CNTN3: variants seen among roughly 807,000 people sequenced by gnomAD.
The protein encoded by CNTN3 is contactin-3.
A neutral mutation model predicts 119.1 loss-of-function variants in CNTN3; 60 were observed. That is an observed-to-expected ratio of 0.50 (90% CI 0.41 to 0.62). The LOEUF (loss-of-function observed/expected upper bound fraction) is 0.62, where lower values mean the gene tolerates loss of function less well. Among genes scored for constraint, CNTN3 ranks in the 20% least tolerant of loss-of-function variants. CNTN3 has a pLI of 0.00. For missense variants in CNTN3, 1,101 were observed against 1,242.4 expected (o/e 0.89, Z 1.71); for synonymous variants, 450 against 438.7 (o/e 1.03, Z -0.32).
At chr3:74,594,837 G>C (rs1319768001) in intron 1 of CNTN3, among the ~76,000 whole-genome samples, 3 of 151,698 alleles carry the variant, frequency 2.0e-5, no homozygotes, top group African/African-American at 7.3e-5. Flanking sequence ...GGGTCAAATG[G>C]TATTTCTAGT....
intron 20 of CNTN3, among the ~76,000 whole-genome samples, chr3:74,272,516 A>G (rs1031336145): frequency 4.6e-5 from 7 of 152,184 alleles, no homozygotes; most frequent in African/African-American, 1.7e-4. Flanking sequence ...AAGCCCATAG[A>G]TGGGGGAAAA....
intron 4 of CNTN3, among the ~76,000 whole-genome samples, chr3:74,440,256 C>T (rs1230156994): frequency 6.6e-6 from 1 of 152,104 alleles, no homozygotes; most frequent in Non-Finnish European, 1.5e-5. Flanking sequence ...GCACAGAAAA[C>T]ACTGCTTCGC....
chr3:74,545,691 C>T (rs1432374058), intron 1 of CNTN3, among the ~76,000 whole-genome samples: 1 of 152,118 alleles, frequency 6.6e-6, no homozygotes, highest in Non-Finnish European at 1.5e-5. Context: ...AATTTACTTT[C>T]TTAGGGGTAC....
chr3:74,411,280 C>T (rs1488525680), intron 5 of CNTN3, among the ~76,000 whole-genome samples: 1 of 152,006 alleles, frequency 6.6e-6, no homozygotes, highest in Admixed American at 6.6e-5. Context: ...CAAAGCTGCC[C>T]CCTTGAGTAT....
At chr3:74,287,472 C>A (rs534822346) in intron 19 of CNTN3, among the ~76,000 whole-genome samples, 1 of 152,258 alleles carries the variant, frequency 6.6e-6, no homozygotes, top group African/African-American at 2.4e-5. Context: ...ATCAGAAATA[C>A]TCTTTTAATA....
chr3:74,358,350 A>G (rs1703989164), intron 11 of CNTN3, among the ~76,000 whole-genome samples: 1 of 151,994 alleles, frequency 6.6e-6, no homozygotes, highest in Non-Finnish European at 1.5e-5. Context: ...AACTTTTATT[A>G]CCACGAGACA....
At chr3:74,530,231 T>C (rs941920020) in intron 1 of CNTN3, among the ~76,000 whole-genome samples, 1 of 152,002 alleles carries the variant, frequency 6.6e-6, no homozygotes, top group Non-Finnish European at 1.5e-5. Context: ...CAGAGGTCTG[T>C]AACAGGATGC....
At chr3:74,315,286 C>T (rs1289682327) in intron 13 of CNTN3, among the ~76,000 whole-genome samples, 2 of 152,174 alleles carry the variant, frequency 1.3e-5, no homozygotes, top group Non-Finnish European at 2.9e-5. Context: ...AATCAATAAA[C>T]AACCATAAAA....
At chr3:74,265,560 A>G (rs1039374326) in intron 22 of CNTN3, among the ~76,000 whole-genome samples, 1 of 152,164 alleles carries the variant, frequency 6.6e-6, no homozygotes, top group Non-Finnish European at 1.5e-5. Context: ...TAGTTCTGCA[A>G]TAAGTAGTTC....
intron 3 of CNTN3, among the ~76,000 whole-genome samples, chr3:74,492,030 T>G (rs1702974245): frequency 6.6e-6 from 1 of 152,110 alleles, no homozygotes; most frequent in Non-Finnish European, 1.5e-5. Flanking sequence ...CAGAGTAGCC[T>G]TGTAGCTTCA....
At chr3:74,378,200 C>A (rs1411292672) in intron 5 of CNTN3, among the ~76,000 whole-genome samples, 1 of 152,280 alleles carries the variant, frequency 6.6e-6, no homozygotes, top group African/African-American at 2.4e-5. Context: ...GGTGGAAAGT[C>A]TGGGATGCAG....
At position 74,359,010 on chromosome 3, in the gene CNTN3, T is replaced by C. The variant is rs138942477; in HGVS notation, c.1364+2880A>G. On this transcript the variant is annotated intron_variant, in intron 11 of 22. Transcript: ENST00000263665. ...CACATTTTCTTAATCCAGTCTATCA[T>C]TGTTGGACATTTGGGTTGTGTATTC... 2.5e-3 allele frequency among the ~76,000 whole-genome samples: 379 copies of C among 152,186 alleles called. 1 individual carries two copies. Among genetic ancestry groups the C allele is most frequent in the African/African-American group, 8.6e-3 (356 of 41,522 alleles).
At chr3:74,327,535 G>A (rs1451555453) in intron 13 of CNTN3, among the ~76,000 whole-genome samples, 2 of 152,022 alleles carry the variant, frequency 1.3e-5, no homozygotes, top group Admixed American at 6.6e-5. Context: ...TTACTATCTT[G>A]GTAGGTTTTG....
chr3:74,520,965 G>C, intron 2 of CNTN3, 93 bp downstream of exon 2: 1 of 600,702 alleles, frequency 1.7e-6, no homozygotes, highest in South Asian at 3.3e-5. Flanking sequence ...TTTGCTACTG[G>C]TGGAGTTTTA....
intron 13 of CNTN3, among the ~76,000 whole-genome samples, chr3:74,319,943 A>T (rs908017003): frequency 2.0e-5 from 3 of 152,322 alleles, no homozygotes; most frequent in African/African-American, 7.2e-5. Flanking sequence ...GCCATCGGAG[A>T]AATGCAAATC....
chr3:74,344,154 A>G (rs1055382025), intron 11 of CNTN3, among the ~76,000 whole-genome samples: 16 of 152,190 alleles, frequency 1.1e-4, no homozygotes, highest in Non-Finnish European at 2.1e-4. Flanking sequence ...GGTGCTTTGT[A>G]CATAGTAGTT....
intron 18 of CNTN3, among the ~76,000 whole-genome samples, chr3:74,296,271 G>C (rs1702336519): frequency 6.6e-6 from 1 of 152,114 alleles, no homozygotes; most frequent in Non-Finnish European, 1.5e-5. Context: ...GAAAAATGAG[G>C]GAGGCAACAA....
intron 1 of CNTN3, among the ~76,000 whole-genome samples, chr3:74,587,704 T>G (rs1327006977): frequency 6.6e-6 from 1 of 152,136 alleles, no homozygotes; most frequent in Non-Finnish European, 1.5e-5. Context: ...GCTGAGACAA[T>G]GGGGTTTTCT....
intron 1 of CNTN3, among the ~76,000 whole-genome samples, chr3:74,535,524 C>G (rs1156413321): frequency 6.6e-6 from 1 of 152,018 alleles, no homozygotes; most frequent in Non-Finnish European, 1.5e-5. Flanking sequence ...TAATGATCTG[C>G]AGATACCCCT....
Sources: allele counts gnomAD v4.1 joint callset (sites outside exome capture counted in the v4.1 genomes callset), GRCh38; gene constraint gnomAD v4.1.1; transcripts MANE v1.5; gene names NCBI Gene and HGNC (gene_info 2026-07-23, HGNC 2026-07-21).